NEIL2: variants seen among roughly 807,000 people sequenced by gnomAD.
The protein encoded by NEIL2 is nei like DNA glycosylase 2, also known as endonuclease 8-like 2.
Under a neutral mutation model 22.2 loss-of-function variants are expected in NEIL2, and 23 were observed. That is an observed-to-expected ratio of 1.04 (90% confidence interval 0.75 to 1.47). The LOEUF is 1.47. Among genes scored for constraint, NEIL2 ranks in the 40% most tolerant of loss-of-function variants. The pLI is 0.00. For missense variants in NEIL2, 583 were observed against 404.7 expected, an observed-to-expected ratio of 1.44 and a Z score of -3.78; for synonymous variants, 229 against 164.8, an observed-to-expected ratio of 1.39 and a Z score of -2.99.
intron 4 of NEIL2, among the ~76,000 whole-genome samples, chr8:11,784,268 G>T (rs1207321855): frequency 6.6e-6 from 1 of 152,216 alleles, no homozygotes; most frequent in Non-Finnish European, 1.5e-5. Context: ...GCCGTCGGAA[G>T]TGGCTTTTTG....
chr8:11,785,848 G>C, intron 4 of NEIL2, 115 bp from the exon 5 acceptor site: 1 of 951,968 alleles, frequency 1.1e-6, no homozygotes, highest in Admixed American at 1.7e-5. Context: ...TCGCAGACCC[G>C]TCTAGGGTCC....
intron 4 of NEIL2, among the ~76,000 whole-genome samples, chr8:11,784,226 C>T (rs183383338): frequency 6.6e-6 from 1 of 152,146 alleles, no homozygotes; most frequent in Non-Finnish European, 1.5e-5. Flanking sequence ...ATGTTAGGAC[C>T]ATGGGAGTCC....
chr8:11,770,619 C>A (rs541402842), intron 1 of NEIL2, among the ~76,000 whole-genome samples: 5 of 152,292 alleles, frequency 3.3e-5, no homozygotes, highest in African/African-American at 1.2e-4. Context: ...TTTCGATTTT[C>A]ATCATAACTT....
rs1392036255 is a variant in NEIL2 at position 11,786,316 on chromosome 8, C to T, written c.*43C>T. ...TCACGGAACCTTGCCGCTTGGGGAA[C>T]CTGACGTCTAAGTGTCCAGAAAGGA... is the stretch of plus-strand genomic sequence containing the variant. On this transcript the variant is annotated 3_prime_UTR_variant, in exon 5 of 5. Transcript: ENST00000284503. The T allele has an allele frequency of 6.3e-7, 1 of 1,577,912 alleles. No homozygotes were observed. The highest frequency in any genetic ancestry group is 1.1e-5 in the South Asian group (1 of 87,944).
At chr8:11,776,037 A>G (rs8191585) in intron 2 of NEIL2, among the ~76,000 whole-genome samples, 5,746 of 152,226 alleles carry the variant, frequency 0.038, 260 homozygotes, top group East Asian at 0.26. Context: ...CCCCCTCCCA[A>G]TACCAGTTTA....
rs112571121 is a variant in NEIL2, at chr8:11,772,710, C to T, written c.138+1125C>T. The stretch of plus-strand genomic sequence containing the variant: ...GCTGAGTGCCGGCACGTAGGAAGCA[C>T]GGGTGGTGCCTGTGGATGAGCTCAC... On this transcript the variant is annotated intron_variant, in intron 2 of 4. Transcript: ENST00000284503. Among the ~76,000 whole-genome samples, 547 of 152,280 alleles carry T rather than the reference C, an allele frequency of 3.6e-3. 3 individuals carry two copies. Among genetic ancestry groups the T allele is most frequent in the African/African-American group, 0.012 (510 of 41,556 alleles).
Position 11,783,230 on chromosome 8 carries a change from C to G in NEIL2, c.519C>G (p.Gly173=). ...PRLVLHFGGG[G]FLAFYNCQLS... is the part of the protein sequence containing the mutation. ...TGGTCCTGCACTTTGGTGGTGGTGG[C>G]TTCCTGGCATTTTATAATTGTCAGT... The change falls in exon 4 of 5, where the codon GGC becomes GGG. Residue 173 remains glycine (G), a synonymous_variant. Transcript: ENST00000284503. 1 of 1,614,232 alleles carries G rather than the reference C, an allele frequency of 6.2e-7. No homozygotes were observed. The highest frequency in any genetic ancestry group is 8.5e-7 in the Non-Finnish European group (1 of 1,180,036).
chr8:11,784,494 T>A (rs1024191820), intron 4 of NEIL2, among the ~76,000 whole-genome samples: 4 of 152,176 alleles, frequency 2.6e-5, no homozygotes, highest in African/African-American at 4.8e-5. Flanking sequence ...GTTTTGTCAA[T>A]GAATTCTGGA....
chr8:11,782,973 G>C (rs1804565043), intron 3 of NEIL2: 1 of 604,508 alleles, frequency 1.7e-6, no homozygotes, highest in African/African-American at 1.9e-5. Flanking sequence ...TTGTGGTAAT[G>C]ATGTGGGGAT....
rs536792259 is a variant in NEIL2, at chr8:11,780,136, G to T, written c.491+186G>T. 1.4e-4 allele frequency among the ~76,000 whole-genome samples: 22 copies of T among 152,214 alleles called. 1 individual carries two copies. In the East Asian group the frequency reaches 3.9e-3, roughly 27 times the overall value. ...ATAGGAAGTAGACTGTGGTCTGCATGCAGGAGAGGGTTGTGCACCAAGAGG... is the reference window on the plus strand; with the variant it reads ...ATAGGAAGTAGACTGTGGTCTGCATTCAGGAGAGGGTTGTGCACCAAGAGG... On this transcript the variant is annotated intron_variant, in intron 3 of 4. Transcript: ENST00000284503.
At chr8:11,775,473 G>C (rs1181293860) in intron 2 of NEIL2, among the ~76,000 whole-genome samples, 1 of 152,224 alleles carries the variant, frequency 6.6e-6, no homozygotes, top group South Asian at 2.1e-4. Flanking sequence ...CCTGTGATGG[G>C]AGGGGCTGCT....
At chr8:11,770,947 C>T (rs8191526) in intron 1 of NEIL2, among the ~76,000 whole-genome samples, 1,662 of 152,276 alleles carry the variant, frequency 0.011, 30 homozygotes, top group African/African-American at 0.038. Context: ...TGCACACCTC[C>T]CCCACGCTAG....
rs1376038174 is a variant in NEIL2, at chr8:11,787,077, G to C, written c.*804G>C. On this transcript the variant is annotated 3_prime_UTR_variant, in exon 5 of 5. Coordinates refer to ENST00000284503, the MANE Select transcript of NEIL2 (RefSeq NM_145043.4). Reference sequence around the variant, plus strand: ...GGGATGAGGATAGAGTGGCCTGAGAGCAGTGCTTGGATTCAGCCTCCTGCT... The same window carrying C: ...GGGATGAGGATAGAGTGGCCTGAGACCAGTGCTTGGATTCAGCCTCCTGCT... 6.6e-6 allele frequency: 1 copy of C among 152,646 alleles called. No individual in the cohort carries two copies. Among genetic ancestry groups the C allele is most frequent in the Non-Finnish European group, 1.5e-5 (1 of 68,136 alleles). The allele number at this position is 152,646 out of a possible 1,614,324, so 9.5% of individuals were successfully genotyped here.
rs757208895 is a variant in NEIL2 at position 11,787,326 on chromosome 8, T to C, written c.*1053T>C. ...TGAACCTAGAGCGGTGACATGAAAA[T>C]AAAGCTCACTGTTACTCGCTGTTTT... On this transcript the variant is annotated 3_prime_UTR_variant, in exon 5 of 5. Coordinates refer to ENST00000284503, the MANE Select transcript of NEIL2 (RefSeq NM_145043.4). 1 of 152,642 alleles carries C rather than the reference T, an allele frequency of 6.6e-6. No homozygotes were observed. 9.5% of individuals were successfully genotyped at this position (152,642 alleles called of 1,614,324 possible).
Position 11,786,681 on chromosome 8 carries a change from C to A in NEIL2, c.*408C>A, listed in dbSNP as rs1417775409. On this transcript the variant is annotated 3_prime_UTR_variant, in exon 5 of 5. Coordinates refer to ENST00000284503, the MANE Select transcript of NEIL2 (RefSeq NM_145043.4). ...TTGAGAGAGAGTCTTGCTCTGTCTC[C>A]CTGGCTAGGGTGTGGTGGTGTGATC... 1.2e-5 allele frequency: 3 copies of A among 259,998 alleles called. No homozygotes were observed. Among genetic ancestry groups the A allele is most frequent in the Non-Finnish European group, 1.5e-5 (2 of 134,944 alleles). 16.1% of individuals were successfully genotyped at this position (259,998 alleles called of 1,614,324 possible).
intron 4 of NEIL2, among the ~76,000 whole-genome samples, chr8:11,785,316 C>A (rs1804807183): frequency 6.6e-6 from 1 of 152,204 alleles, no homozygotes; most frequent in Non-Finnish European, 1.5e-5. Flanking sequence ...CTACCTCAGC[C>A]ACCTGAGTAG....
At position 11,774,819 on chromosome 8, in the gene NEIL2, A is replaced by C. The variant is rs537104141; in HGVS notation, c.138+3234A>C. 7.2e-5 allele frequency among the ~76,000 whole-genome samples: 11 copies of C among 152,386 alleles called. No individual in the cohort carries two copies. In the East Asian group the frequency reaches 2.1e-3, roughly 29 times the overall value. On this transcript the variant is annotated intron_variant, in intron 2 of 4. Transcript: ENST00000284503. ...ATGCAAGTCTGAAATCCAGTGAGGCAGTCAAATCTTAAAGCTCCAAAATGA... is the reference window on the plus strand; with the variant it reads ...ATGCAAGTCTGAAATCCAGTGAGGCCGTCAAATCTTAAAGCTCCAAAATGA...
chr8:11,785,521 T>C (rs933235237), intron 4 of NEIL2, among the ~76,000 whole-genome samples: 6 of 152,198 alleles, frequency 3.9e-5, no homozygotes, highest in South Asian at 2.1e-4. Context: ...TTAATACTTA[T>C]TGAGTACTCT....
chr8:11,775,557 T>G (rs1262374158), intron 2 of NEIL2, among the ~76,000 whole-genome samples: 1 of 152,222 alleles, frequency 6.6e-6, no homozygotes, highest in East Asian at 1.9e-4. Flanking sequence ...CCTAGTTACT[T>G]ATGCAAATTT....
Sources: allele counts gnomAD v4.1 joint callset (sites outside exome capture counted in the v4.1 genomes callset), GRCh38; gene constraint gnomAD v4.1.1; transcripts MANE v1.5; gene names NCBI Gene and HGNC (gene_info 2026-07-23, HGNC 2026-07-21).